CNTN5: variants seen among roughly 807,000 people sequenced by gnomAD.
The protein encoded by CNTN5 is contactin 5.
In CNTN5, 77 loss-of-function variants were observed where a neutral mutation model predicts 129.1. The ratio of observed to expected loss-of-function variants is 0.60; its 90% CI spans 0.50 to 0.72. The LOEUF (loss-of-function observed/expected upper bound fraction) is 0.72. Ranked by LOEUF, CNTN5 falls within the 30% of genes least tolerant of loss-of-function variation. The probability of loss-of-function intolerance (pLI) is 0.00; values close to 1 mark genes in which losing one functional copy is unlikely to be tolerated. For synonymous variants in CNTN5, 509 were observed against 465.6 expected (o/e 1.09, Z -1.20); for missense variants, 1,478 against 1,328.8 (o/e 1.11, Z -1.75).
chr11:99,708,459 A>G (rs2134931378), intron 3 of CNTN5, among the ~76,000 whole-genome samples: 1 of 151,908 alleles, frequency 6.6e-6, no homozygotes, highest in Middle Eastern at 3.4e-3. Context: ...GAAGATTCAA[A>G]GACCAAAGTA....
At chr11:99,520,590 C>T (rs1024438421) in intron 2 of CNTN5, among the ~76,000 whole-genome samples, 16 of 152,080 alleles carry the variant, frequency 1.1e-4, no homozygotes, top group Admixed American at 2.0e-4. Context: ...AATGTTTGTG[C>T]AGCAACAACT....
chr11:99,338,985 A>ATG (rs2136049313), intron 2 of CNTN5, among the ~76,000 whole-genome samples: 2 of 126,426 alleles, frequency 1.6e-5, no homozygotes, highest in East Asian at 4.2e-4. Context: ...GTGTGTGTAT[A>ATG]TATATATATA....
At chr11:99,537,989 T>G (rs2135487245) in intron 2 of CNTN5, among the ~76,000 whole-genome samples, 1 of 152,282 alleles carries the variant, frequency 6.6e-6, no homozygotes, top group South Asian at 2.1e-4. Context: ...CCTTAGAGAC[T>G]CTGAGAATTC....
chr11:99,083,420 C>T (rs1358714307), intron 1 of CNTN5, among the ~76,000 whole-genome samples: 1 of 152,144 alleles, frequency 6.6e-6, no homozygotes, highest in Non-Finnish European at 1.5e-5. Flanking sequence ...TTACACCTAC[C>T]ATTAAGCTCA....
At chr11:99,330,470 C>A (rs1047711626) in intron 2 of CNTN5, among the ~76,000 whole-genome samples, 2 of 152,018 alleles carry the variant, frequency 1.3e-5, no homozygotes, top group African/African-American at 4.8e-5. Flanking sequence ...ATAATGATTG[C>A]GTAGTATTGT....
chr11:100,167,797 A>C (rs1482779769), intron 13 of CNTN5, among the ~76,000 whole-genome samples: 1 of 151,944 alleles, frequency 6.6e-6, no homozygotes, highest in Non-Finnish European at 1.5e-5. Flanking sequence ...GAAGTGATTA[A>C]ACTTGTTGAA....
At chr11:99,494,550 T>TA (rs1946155274) in intron 2 of CNTN5, among the ~76,000 whole-genome samples, 1 of 152,196 alleles carries the variant, frequency 6.6e-6, no homozygotes, top group Non-Finnish European at 1.5e-5. Flanking sequence ...GATGTAACTT[T>TA]AATGCCTGAA....
At chr11:99,488,168 T>G (rs1437448427) in intron 2 of CNTN5, among the ~76,000 whole-genome samples, 3 of 151,002 alleles carry the variant, frequency 2.0e-5, no homozygotes, top group African/African-American at 7.3e-5. Context: ...AGTTTTTTTT[T>G]TTTTTTTTTT....
chr11:99,997,627 A>C (rs2137447783), intron 8 of CNTN5, among the ~76,000 whole-genome samples: 1 of 152,280 alleles, frequency 6.6e-6, no homozygotes, highest in Non-Finnish European at 1.5e-5. Context: ...TCAATAGAAA[A>C]AGAGGGAATC....
At chr11:99,292,980 A>G (rs1487897195) in intron 1 of CNTN5, among the ~76,000 whole-genome samples, 2 of 152,178 alleles carry the variant, frequency 1.3e-5, no homozygotes, top group Non-Finnish European at 2.9e-5. Flanking sequence ...CTGTAAGTGC[A>G]CTTAATAGGC....
intron 2 of CNTN5, among the ~76,000 whole-genome samples, chr11:99,539,632 A>G (rs76646884): frequency 0.083 from 12,661 of 152,106 alleles, 613 homozygotes; most frequent in African/African-American, 0.12. Context: ...GTGTCAGAAT[A>G]GTTAAAAGTA....
Position 99,656,945 on chromosome 11 carries a change from GAA to G in CNTN5, c.55+100686_55+100687del, listed in dbSNP as rs71050013. ...GTATCTAATTTAACCCAGACATTTTGAAAAAAAAAAATGTGTTTCTTGCATAG... is the reference window on the plus strand; with the variant it reads ...GTATCTAATTTAACCCAGACATTTTGAAAAAAAAATGTGTTTCTTGCATAG... On this transcript the variant is annotated intron_variant, in intron 3 of 24. Transcript: ENST00000524871. Among the ~76,000 whole-genome samples, 1,042 of 148,682 alleles carry G rather than the reference GAA, an allele frequency of 7.0e-3. 71 individuals are homozygous for G. In the East Asian group the frequency reaches 0.17, roughly 24 times the overall value.
At chr11:100,275,843 T>C (rs1349938352) in intron 18 of CNTN5, among the ~76,000 whole-genome samples, 1 of 152,326 alleles carries the variant, frequency 6.6e-6, no homozygotes, top group East Asian at 1.9e-4. Context: ...TGGTACTACA[T>C]AGGGTTAGAG....
chr11:99,925,741 A>G (rs1306590749), intron 7 of CNTN5, among the ~76,000 whole-genome samples: 1 of 151,962 alleles, frequency 6.6e-6, no homozygotes, highest in Non-Finnish European at 1.5e-5. Context: ...TTTGGATTCT[A>G]AATACTTCTT....
intron 3 of CNTN5, among the ~76,000 whole-genome samples, chr11:99,734,880 C>T (rs936452480): frequency 6.6e-5 from 10 of 152,170 alleles, no homozygotes; most frequent in Non-Finnish European, 1.0e-4. Context: ...CAGTGGCAGG[C>T]GCCTGTAGTC....
In CNTN5 at chr11:99,230,507, G is replaced by A. The variant is rs78986519; in HGVS notation, c.-209-94839G>A. ...TGTTTTTATTTGTTTAACCTTTAAT[G>A]AAGAGCTTTAGGAAGAAGCAGAGCA... On this transcript the variant is annotated intron_variant, in intron 1 of 24. Transcript: ENST00000524871. Among the ~76,000 whole-genome samples the A allele has an allele frequency of 5.7e-3, 874 of 152,212 alleles. 12 individuals are homozygous for A. Among genetic ancestry groups the A allele is most frequent in the African/African-American group, 0.02 (832 of 41,546 alleles).
chr11:99,085,230 A>G (rs574521836), intron 1 of CNTN5, among the ~76,000 whole-genome samples: 1 of 148,716 alleles, frequency 6.7e-6, no homozygotes, highest in South Asian at 2.1e-4. Context: ...TTTTTAGTAG[A>G]GACGGGGTTT....
intron 2 of CNTN5, among the ~76,000 whole-genome samples, chr11:99,358,264 T>TTTTTC (rs1555119938): frequency 0.015 from 1,610 of 110,810 alleles, 150 homozygotes; most frequent in African/African-American, 0.046. Flanking sequence ...GATTTTTTTT[T>TTTTTC]TTTTTTTTTT....
intron 15 of CNTN5, among the ~76,000 whole-genome samples, chr11:100,210,916 A>G (rs527310445): frequency 1.3e-5 from 2 of 152,296 alleles, no homozygotes; most frequent in East Asian, 1.9e-4. Flanking sequence ...CAGAAACCCA[A>G]TGTGCTGCCA....
Sources: allele counts gnomAD v4.1 joint callset (sites outside exome capture counted in the v4.1 genomes callset), GRCh38; gene constraint gnomAD v4.1.1; transcripts MANE v1.5; gene names NCBI Gene and HGNC (gene_info 2026-07-23, HGNC 2026-07-21).